CUX2: variants seen among roughly 807,000 people sequenced by gnomAD.
CUX2 encodes homeobox protein cut-like 2.
In CUX2, 40 loss-of-function variants were observed where a neutral mutation model predicts 144.8. The ratio of observed to expected loss-of-function variants is 0.28; its 90% CI spans 0.21 to 0.36. The LOEUF is 0.36. Ranked by LOEUF, CUX2 falls within the 10% of genes least tolerant of loss-of-function variation. The probability of loss-of-function intolerance (pLI) is 1.00; values close to 1 mark genes in which losing one functional copy is unlikely to be tolerated. For missense variants in CUX2, 1,615 were observed against 1,994.0 expected (o/e 0.81, Z 3.62); for synonymous variants, 827 against 875.6 (o/e 0.94, Z 0.98).
chr12:111,277,350 C>T lies in CUX2; in HGVS notation c.301+13511C>T, dbSNP rs76428842. Among the ~76,000 whole-genome samples the T allele has an allele frequency of 4.6e-3, 700 of 152,246 alleles. 5 individuals carry two copies. The highest frequency in any genetic ancestry group is 0.016 in the African/African-American group (675 of 41,552). On this transcript the variant is annotated intron_variant, in intron 4 of 21. Coordinates refer to ENST00000261726, the MANE Select transcript of CUX2 (RefSeq NM_015267.4). The surrounding 1 kb of genome is among the most constrained non-coding windows in gnomAD (Gnocchi z 5.0). ...ATGGAGCAAAGTTGTATTTCTGGGA[C>T]GGTAACCCCAGGGGAGGTTAGTAGG...
At chr12:111,170,977 G>A (rs1338678170) in intron 1 of CUX2, among the ~76,000 whole-genome samples, 1 of 152,138 alleles carries the variant, frequency 6.6e-6, no homozygotes, top group Non-Finnish European at 1.5e-5. Context: ...TTCTGGTCAA[G>A]GTGCATGGGA....
chr12:111,041,153 C>T (rs762424745), intron 1 of CUX2, among the ~76,000 whole-genome samples: 1 of 152,222 alleles, frequency 6.6e-6, no homozygotes, highest in Non-Finnish European at 1.5e-5. Context: ...CACTTAACCT[C>T]TCCAAGCCTT....
In CUX2 at chr12:111,178,579, CGGGT is replaced by C. The variant is rs1456331993; in HGVS notation, c.64-35617_64-35614del. ...AGCTGGGATGGAAAGGGAATGGTCA[CGGGT>C]GGGACACTGGGAGGGAGGGCAGGGG... On this transcript the variant is annotated intron_variant, in intron 1 of 21. Coordinates refer to ENST00000261726, the MANE Select transcript of CUX2 (RefSeq NM_015267.4). This position sits in a 1 kb window ranked among gnomAD's most constrained non-coding sequence, Gnocchi z 5.7. Among the ~76,000 whole-genome samples, 3 of 148,508 alleles carry C rather than the reference CGGGT, an allele frequency of 2.0e-5. No individual in the cohort carries two copies. Among genetic ancestry groups the C allele is most frequent in the African/African-American group, 7.4e-5 (3 of 40,770 alleles).
intron 1 of CUX2, among the ~76,000 whole-genome samples, chr12:111,103,124 T>C (rs1448331839): frequency 2.0e-5 from 3 of 152,230 alleles, no homozygotes; most frequent in Admixed American, 6.5e-5. Flanking sequence ...TTCTATTTCA[T>C]GGATTTTTGC....
chr12:111,053,880 C>A (rs536528984), intron 1 of CUX2, among the ~76,000 whole-genome samples: 2 of 152,170 alleles, frequency 1.3e-5, no homozygotes, highest in African/African-American at 4.8e-5. Flanking sequence ...CAGAGCTGGG[C>A]GCAGTGGCTC....
chr12:111,305,177 T>A (rs1180749919), intron 10 of CUX2, among the ~76,000 whole-genome samples: 1 of 152,182 alleles, frequency 6.6e-6, no homozygotes. Context: ...ATCCTGGCTC[T>A]CCCAGAGAGC....
At chr12:111,217,792 G>T in intron 2 of CUX2, 98 bp from the exon 3 acceptor site, 1 of 1,293,074 alleles carries the variant, frequency 7.7e-7, no homozygotes, top group Non-Finnish European at 1.1e-6. Flanking sequence ...GACATGCTTG[G>T]GAAATGCTGA....
At chr12:111,314,364 G>T (rs1887062511) in intron 16 of CUX2, among the ~76,000 whole-genome samples, 1 of 152,102 alleles carries the variant, frequency 6.6e-6, no homozygotes, top group African/African-American at 2.4e-5. Context: ...GAGCCACCGT[G>T]CCCAGACCAT....
At chr12:111,175,032 C>T (rs1878764285) in intron 1 of CUX2, among the ~76,000 whole-genome samples, 1 of 152,188 alleles carries the variant, frequency 6.6e-6, no homozygotes, top group African/African-American at 2.4e-5. Flanking sequence ...CCCCCCCACA[C>T]ACAGAAGAGG....
chr12:111,288,165 C>A (rs911099190), intron 4 of CUX2, among the ~76,000 whole-genome samples: 6 of 152,058 alleles, frequency 3.9e-5, no homozygotes, highest in Admixed American at 1.3e-4. Context: ...TGTTTACTAG[C>A]TGAAAGGGGT....
At chr12:111,158,719 T>C (rs1490461408) in intron 1 of CUX2, among the ~76,000 whole-genome samples, 1 of 152,094 alleles carries the variant, frequency 6.6e-6, no homozygotes, top group Non-Finnish European at 1.5e-5. Flanking sequence ...GTGAGATTAT[T>C]ATATTGAATA....
chr12:111,275,146 T>C (rs1416457937), intron 4 of CUX2, among the ~76,000 whole-genome samples: 1 of 152,180 alleles, frequency 6.6e-6, no homozygotes, highest in Non-Finnish European at 1.5e-5. Flanking sequence ...TTAGCCATTT[T>C]ACTAAGTAGT....
At position 111,273,107 on chromosome 12, in the gene CUX2, A is replaced by G. The variant is rs117474529; in HGVS notation, c.301+9268A>G. Among the ~76,000 whole-genome samples the G allele has an allele frequency of 2.6e-5, 4 of 152,298 alleles. No individual in the cohort carries two copies. The East Asian group carries it at 7.7e-4, about 29-fold the overall frequency. The stretch of plus-strand genomic sequence containing the variant: ...GACTCTCGGGTTCAGCAAGGACAAC[A>G]TGACCCAAAGACAGACAACCAGAAT... On this transcript the variant is annotated intron_variant, in intron 4 of 21. Coordinates refer to ENST00000261726, the MANE Select transcript of CUX2 (RefSeq NM_015267.4).
chr12:111,227,904 C>T (rs1489372635), intron 3 of CUX2, among the ~76,000 whole-genome samples: 3 of 152,188 alleles, frequency 2.0e-5, no homozygotes, highest in African/African-American at 7.2e-5. Flanking sequence ...GCCCCAGATA[C>T]CTTTCCTGTC....
At chr12:111,169,637 G>A (rs1417459376) in intron 1 of CUX2, among the ~76,000 whole-genome samples, 1 of 152,228 alleles carries the variant, frequency 6.6e-6, no homozygotes, top group East Asian at 1.9e-4. Context: ...CAGTGGCAGG[G>A]TGGTTGGCAT....
At chr12:111,205,071 T>C (rs964790138) in intron 1 of CUX2, among the ~76,000 whole-genome samples, 2 of 152,184 alleles carry the variant, frequency 1.3e-5, no homozygotes, top group Non-Finnish European at 2.9e-5. Context: ...GAGTGATGGA[T>C]GGCTCTGGTA....
chr12:111,047,776 A>G (rs1870070956), intron 1 of CUX2, among the ~76,000 whole-genome samples: 1 of 152,248 alleles, frequency 6.6e-6, no homozygotes, highest in African/African-American at 2.4e-5. Context: ...TGGAAGGGCA[A>G]GCTAAACAAA....
intron 18 of CUX2, among the ~76,000 whole-genome samples, chr12:111,326,679 C>T (rs192337547): frequency 1.6e-4 from 24 of 151,988 alleles, no homozygotes; most frequent in East Asian, 7.8e-4. Flanking sequence ...CGAGGCGGGC[C>T]GATCACTTGA....
chr12:111,097,820 G>A (rs555085388), intron 1 of CUX2, among the ~76,000 whole-genome samples: 7 of 152,358 alleles, frequency 4.6e-5, no homozygotes, highest in South Asian at 2.1e-4. Context: ...CAGGAATGGC[G>A]TGGGCATTGG....
Sources: gnomAD v4.1 joint callset for allele counts (sites outside exome capture counted in the v4.1 genomes callset) on GRCh38, gnomAD v4.1.1 for gene constraint, Gnocchi (gnomAD v3.1) non-coding constraint, MANE v1.5 for transcripts, NCBI Gene and HGNC (gene_info 2026-07-23, HGNC 2026-07-21) for gene names.